The following LHFPL3 variants were observed in gnomAD, a reference collection of about 807,000 sequenced individuals.
The protein encoded by LHFPL3 is LHFPL tetraspan subfamily member 3.
LHFPL3 carries 5 observed loss-of-function variants against 19.3 expected under a neutral mutation model. The observed-to-expected ratio is 0.26, with a 90% CI of 0.14 to 0.54. LHFPL3 has a LOEUF of 0.54. Among genes scored for constraint, LHFPL3 ranks in the 20% least tolerant of loss-of-function variants. LHFPL3 has a pLI of 0.94. For synonymous variants in LHFPL3, 133 were observed against 126.2 expected, an observed-to-expected ratio of 1.05 and a Z score of -0.36; for missense variants, 249 against 307.4, an observed-to-expected ratio of 0.81 and a Z score of 1.42.
In LHFPL3 at chr7:104,376,487, G is replaced by A. The variant is rs76352476; in HGVS notation, c.445+47263G>A. Among the ~76,000 whole-genome samples, 16 of 152,270 alleles carry A rather than the reference G, an allele frequency of 1.1e-4. 1 individual carries two copies. The East Asian group carries it at 2.9e-3, about 28-fold the overall frequency. On this transcript the variant is annotated intron_variant, in intron 1 of 2. Transcript: ENST00000424859. ...TGATTCATGTCCCCAGTAGGGGTGA[G>A]GGTCACAATGGGAATTTTCTCCTTT...
intron 1 of LHFPL3, among the ~76,000 whole-genome samples, chr7:104,611,554 C>A (rs577797801): frequency 6.6e-6 from 1 of 152,246 alleles, no homozygotes; most frequent in South Asian, 2.1e-4. Context: ...TGATGTTTAG[C>A]TCAACTCAGA....
intron 1 of LHFPL3, among the ~76,000 whole-genome samples, chr7:104,525,013 G>C (rs556661163): frequency 6.6e-6 from 1 of 152,170 alleles, no homozygotes; most frequent in African/African-American, 2.4e-5. Context: ...ATGCGTCGTC[G>C]TGGAAATATG....
intron 1 of LHFPL3, among the ~76,000 whole-genome samples, chr7:104,651,815 G>A (rs1339123616): frequency 2.0e-5 from 3 of 152,198 alleles, no homozygotes; most frequent in Non-Finnish European, 4.4e-5. Context: ...GTGAGACCTT[G>A]AGAAAACTAG....
chr7:104,579,639 T>C (rs1790416458), intron 1 of LHFPL3, among the ~76,000 whole-genome samples: 1 of 152,228 alleles, frequency 6.6e-6, no homozygotes, highest in African/African-American at 2.4e-5. Flanking sequence ...CAGTCATTAT[T>C]ATTGAGCACT....
intron 1 of LHFPL3, among the ~76,000 whole-genome samples, chr7:104,533,645 C>A (rs1399165121): frequency 2.0e-5 from 3 of 152,222 alleles, no homozygotes; most frequent in African/African-American, 7.2e-5. Context: ...CCCAGGCACA[C>A]AAAATCAGTG....
intron 1 of LHFPL3, among the ~76,000 whole-genome samples, chr7:104,409,293 A>T (rs1463977385): frequency 6.8e-6 from 1 of 146,028 alleles, no homozygotes; most frequent in Admixed American, 6.8e-5. Context: ...CTAAAAACTT[A>T]CTTATGTGTG....
At chr7:104,817,026 T>C (rs1790569138) in intron 2 of LHFPL3, among the ~76,000 whole-genome samples, 1 of 152,132 alleles carries the variant, frequency 6.6e-6, no homozygotes. Context: ...CTTCTCCCCC[T>C]CTTTCCACCC....
chr7:104,730,859 TA>T (rs1793687031), intron 1 of LHFPL3, among the ~76,000 whole-genome samples: 1 of 152,182 alleles, frequency 6.6e-6, no homozygotes, highest in Non-Finnish European at 1.5e-5. Context: ...GGTTTTCTTC[TA>T]GGGTTTTTAT....
intron 1 of LHFPL3, among the ~76,000 whole-genome samples, chr7:104,601,461 A>T (rs1435121874): frequency 6.6e-6 from 1 of 152,244 alleles, no homozygotes; most frequent in East Asian, 1.9e-4. Flanking sequence ...TCCTTAGATC[A>T]TGAAGCATAT....
intron 1 of LHFPL3, among the ~76,000 whole-genome samples, chr7:104,570,793 A>G (rs1281738228): frequency 1.3e-5 from 2 of 152,188 alleles, no homozygotes; most frequent in Non-Finnish European, 2.9e-5. Flanking sequence ...TCAGGAATTA[A>G]GCCCAGTACC....
At chr7:104,522,702 G>T (rs184041061) in intron 1 of LHFPL3, among the ~76,000 whole-genome samples, 1 of 152,062 alleles carries the variant, frequency 6.6e-6, no homozygotes, top group African/African-American at 2.4e-5. Flanking sequence ...GGTCTTTCTT[G>T]CCATTTGTCC....
chr7:104,484,125 A>T (rs1026602461), intron 1 of LHFPL3, among the ~76,000 whole-genome samples: 1 of 151,866 alleles, frequency 6.6e-6, no homozygotes, highest in Non-Finnish European at 1.5e-5. Flanking sequence ...ACTTATTACA[A>T]TTCTTATTTC....
intron 1 of LHFPL3, among the ~76,000 whole-genome samples, chr7:104,481,538 C>T (rs1793135383): frequency 6.6e-6 from 1 of 152,094 alleles, no homozygotes; most frequent in Admixed American, 6.6e-5. Flanking sequence ...GCTGCTCTCC[C>T]TGCATGGGTG....
At chr7:104,477,820 A>G (rs1177490923) in intron 1 of LHFPL3, among the ~76,000 whole-genome samples, 1 of 152,180 alleles carries the variant, frequency 6.6e-6, no homozygotes, top group Non-Finnish European at 1.5e-5. Flanking sequence ...CCTAATACAT[A>G]AAGAAAAGTT....
chr7:104,520,990 C>T (rs1794047415), intron 1 of LHFPL3, among the ~76,000 whole-genome samples: 1 of 151,458 alleles, frequency 6.6e-6, no homozygotes, highest in South Asian at 2.1e-4. Flanking sequence ...CTTCTGCTAG[C>T]TTTTGAATGT....
At chr7:104,502,201 A>G (rs1373404334) in intron 1 of LHFPL3, among the ~76,000 whole-genome samples, 1 of 152,196 alleles carries the variant, frequency 6.6e-6, no homozygotes, top group Non-Finnish European at 1.5e-5. Flanking sequence ...TGTATAGCAC[A>G]TTGCTTTCTA....
At position 104,904,932 on chromosome 7, in the gene LHFPL3, CCT is replaced by C. The variant is rs1188823906; in HGVS notation, c.683-1254_683-1253del. Among the ~76,000 whole-genome samples, 8 of 152,180 alleles carry C rather than the reference CCT, an allele frequency of 5.3e-5. No homozygotes were observed. The East Asian group carries it at 9.7e-4, about 18-fold the overall frequency. On this transcript the variant is annotated intron_variant, in intron 2 of 2. Coordinates refer to ENST00000424859, the MANE Select transcript of LHFPL3 (RefSeq NM_199000.3). Reference sequence around the variant, plus strand: ...TGGAGAAAAGGAAAAGTAATTATCCCCTGAGAATTCATCCAAAAGAAACAAAA... The same window carrying C: ...TGGAGAAAAGGAAAAGTAATTATCCCGAGAATTCATCCAAAAGAAACAAAA...
intron 1 of LHFPL3, among the ~76,000 whole-genome samples, chr7:104,595,937 G>A (rs1326754560): frequency 1.3e-5 from 2 of 152,242 alleles, no homozygotes; most frequent in Non-Finnish European, 2.9e-5. Flanking sequence ...ATTGGGGCAG[G>A]AGTGTCCTGC....
intron 2 of LHFPL3, among the ~76,000 whole-genome samples, chr7:104,875,151 G>A (rs756627288): frequency 6.6e-6 from 1 of 152,052 alleles, no homozygotes; most frequent in Non-Finnish European, 1.5e-5. Context: ...AGCCCTATAT[G>A]GTGGTTCTTG....
Sources: allele counts gnomAD v4.1 joint callset (sites outside exome capture counted in the v4.1 genomes callset), GRCh38; gene constraint gnomAD v4.1.1; transcripts MANE v1.5; gene names NCBI Gene and HGNC (gene_info 2026-07-23, HGNC 2026-07-21).